Variants in KIF5A observed in about 807,000 individuals in gnomAD.
KIF5A encodes the protein kinesin family member 5A.
Under a neutral mutation model 141.3 loss-of-function variants are expected in KIF5A, and 35 were observed. The ratio of observed to expected loss-of-function variants is 0.25; its 90% CI spans 0.19 to 0.33. KIF5A has a LOEUF of 0.33. KIF5A is among the 10% of genes least tolerant of loss of function. The probability of loss-of-function intolerance (pLI) is 1.00; values close to 1 mark genes in which losing one functional copy is unlikely to be tolerated. For synonymous variants in KIF5A, 448 were observed against 500.2 expected, an observed-to-expected ratio of 0.90 and a Z score of 1.39; for missense variants, 861 against 1,314.3, an observed-to-expected ratio of 0.66 and a Z score of 5.33.
chr12:57,559,461 A>C (rs2600003), intron 1 of KIF5A, among the ~76,000 whole-genome samples: 8,762 of 152,230 alleles, frequency 0.058, 372 homozygotes, highest in African/African-American at 0.11. Flanking sequence ...AGTGAGGTCG[A>C]GCATTAATTA....
rs1882744702 is a variant in KIF5A, at chr12:57,585,890, G to A, written c.*1709G>A. The stretch of plus-strand genomic sequence containing the variant: ...ATAGAACCCCAATATAAAAAATAAA[G>A]TAATGCAGACCTGGGCAGTTTGCAT... On this transcript the variant is annotated 3_prime_UTR_variant, in exon 29 of 29. Transcript: ENST00000455537. The A allele has an allele frequency of 6.7e-6, 1 of 148,212 alleles. No individual in the cohort carries two copies. Among genetic ancestry groups the A allele is most frequent in the Non-Finnish European group, 1.5e-5 (1 of 67,314 alleles). The allele number at this position is 148,212 out of a possible 1,614,324, so 9.2% of individuals were successfully genotyped here.
chr12:57,567,000 C>T (rs1456388346), intron 6 of KIF5A, 126 bp from the exon 7 acceptor site: 1 of 369,514 alleles, frequency 2.7e-6, no homozygotes, highest in Non-Finnish European at 4.9e-6. Flanking sequence ...AGATTCTTGA[C>T]ACTGCACTCC....
intron 1 of KIF5A, among the ~76,000 whole-genome samples, chr12:57,559,687 T>C (rs1406883289): frequency 6.6e-6 from 1 of 152,174 alleles, no homozygotes; most frequent in Non-Finnish European, 1.5e-5. Flanking sequence ...ATCCTCTTCC[T>C]GTAAATACCA....
At position 57,550,576 on chromosome 12, in the gene KIF5A, C is replaced by A. The variant is rs1053819082; in HGVS notation, c.129+176C>A. Among the ~76,000 whole-genome samples, 7 of 152,172 alleles carry A rather than the reference C, an allele frequency of 4.6e-5. No homozygotes were observed. The highest frequency in any genetic ancestry group is 8.8e-5 in the Non-Finnish European group (6 of 68,026). ...ATCAGGATGGCTGGGTGTGGCCTGG[C>A]CAGGCCAGCGGCCGAGTCTCTGCAG... On this transcript the variant is annotated intron_variant, in intron 1 of 28. Transcript: ENST00000455537. This position sits in a 1 kb window ranked among gnomAD's most constrained non-coding sequence, Gnocchi z 4.6.
At chr12:57,583,777 A>T (rs1311932262) in intron 28 of KIF5A, among the ~76,000 whole-genome samples, 1 of 152,112 alleles carries the variant, frequency 6.6e-6, no homozygotes, top group Non-Finnish European at 1.5e-5. Flanking sequence ...TGCTCAGTGG[A>T]GGTGGCAAAG....
At position 57,576,567 on chromosome 12, in the gene KIF5A, G is replaced by T. The variant is rs115809275; in HGVS notation, c.2198+189G>T. ...TAGTCCCTATCCTTGAGGGTCCCAG[G>T]ATTAGAGAGGTCAGGGTTCCTGGCT... On this transcript the variant is annotated intron_variant, in intron 19 of 28. Transcript: ENST00000455537. Among the ~76,000 whole-genome samples, 779 of 152,310 alleles carry T rather than the reference G, an allele frequency of 5.1e-3. 4 individuals are homozygous for T. The highest frequency in any genetic ancestry group is 0.017 in the African/African-American group (720 of 41,560).
At chr12:57,583,310 T>A (rs1433222365) in intron 28 of KIF5A, 95 bp downstream of exon 28, 3 of 727,250 alleles carry the variant, frequency 4.1e-6, no homozygotes, top group Non-Finnish European at 7.1e-6. Flanking sequence ...TTTTTTTTTT[T>A]ATCACCTCAA....
chr12:57,565,041 G>A (rs1882020888), intron 6 of KIF5A, 68 bp downstream of exon 6: 1 of 1,427,408 alleles, frequency 7.0e-7, no homozygotes, highest in East Asian at 2.3e-5. Context: ...GAGGAGCATA[G>A]GTCAGTGACC....
chr12:57,570,216 C>T (rs984914774), intron 12 of KIF5A, 54 bp downstream of exon 12: 171 of 1,558,204 alleles, frequency 1.1e-4, no homozygotes, highest in Non-Finnish European at 1.4e-4. Flanking sequence ...GAGAGGTAGA[C>T]GATCAAAGAA....
chr12:57,576,369 A>G lies in KIF5A; in HGVS notation c.2189A>G (p.Glu730Gly), dbSNP rs751019108. 2 of 1,613,676 alleles carry G rather than the reference A, an allele frequency of 1.2e-6. No homozygotes were observed. Among genetic ancestry groups the G allele is most frequent in the Admixed American group, 3.3e-5 (2 of 60,016 alleles). The change falls in exon 19 of 29, where the codon GAG becomes GGG. Residue 730 changes from glutamate (E) to glycine (G), a missense_variant. Transcript: ENST00000455537. ...EINEKQKTID[E>G]LKDLNQKLQL... ...AACGAGAAGCAGAAGACCATTGATG[A>G]GCTCAAAGAGTAAGGGTTCCCAAGG...
In KIF5A at chr12:57,550,460, C is replaced by G; in HGVS notation, c.129+60C>G. On this transcript the variant is annotated intron_variant, in intron 1 of 28. Coordinates refer to ENST00000455537, the MANE Select transcript of KIF5A (RefSeq NM_004984.4). This position sits in a 1 kb window ranked among gnomAD's most constrained non-coding sequence, Gnocchi z 4.6. ...GCAGGTGGCTGAATCTCCCCGCCCC[C>G]CGCAGAGCCTTAGTCTCTGCTGGTC... is the stretch of plus-strand genomic sequence containing the variant. 3.2e-6 allele frequency: 5 copies of G among 1,582,552 alleles called. No homozygotes were observed. The highest frequency in any genetic ancestry group is 3.5e-6 in the Non-Finnish European group (4 of 1,153,580).
intron 1 of KIF5A, among the ~76,000 whole-genome samples, chr12:57,558,398 AG>A (rs1881809603): frequency 1.4e-5 from 2 of 147,666 alleles, no homozygotes; most frequent in South Asian, 4.3e-4. Context: ...AAATTAGGCC[AG>A]GTGCGGTGGC....
Position 57,575,252 on chromosome 12 carries a change from T to G in KIF5A, c.1885T>G (p.Cys629Gly). ...AGTGACCGGGCGGGAGCTCTCATCC[T>G]GCCAGCTCCTCATCTCTCAGGTGAG... ...MEVTGRELSS[C>G]QLLISQHEAK... is the part of the protein sequence containing the mutation. The change falls in exon 16 of 29, where the codon TGC becomes GGC. Residue 629 changes from cysteine to glycine, a missense_variant. Cys to Gly is a radical substitution (Grantham distance 159). Coordinates refer to ENST00000455537, the MANE Select transcript of KIF5A (RefSeq NM_004984.4). 1 of 1,613,548 alleles carries G rather than the reference T, an allele frequency of 6.2e-7. No individual in the cohort carries two copies. The highest frequency in any genetic ancestry group is 8.5e-7 in the Non-Finnish European group (1 of 1,179,796).
At position 57,586,018 on chromosome 12, in the gene KIF5A, C is replaced by A. The variant is rs1386083423; in HGVS notation, c.*1837C>A. 6.6e-6 allele frequency: 1 copy of A among 151,100 alleles called. No individual in the cohort carries two copies. Among genetic ancestry groups the A allele is most frequent in the Non-Finnish European group, 1.5e-5 (1 of 67,866 alleles). 9.4% of individuals were successfully genotyped at this position (151,100 alleles called of 1,614,324 possible). On this transcript the variant is annotated 3_prime_UTR_variant, in exon 29 of 29. Coordinates refer to ENST00000455537, the MANE Select transcript of KIF5A (RefSeq NM_004984.4). ...GAGCCCTTGAACAGTCCTAAGAGAC[C>A]CTGAGGATTCTGTGGAGTAGTTTGA...
chr12:57,575,062 C>G (rs1406971075), intron 15 of KIF5A, 22 bp from the exon 16 acceptor site: 1 of 1,612,536 alleles, frequency 6.2e-7, no homozygotes, highest in South Asian at 1.1e-5. Flanking sequence ...AGAAGCATCT[C>G]TTCCTCCTTT....
intron 1 of KIF5A, among the ~76,000 whole-genome samples, chr12:57,560,197 T>C (rs959650756): frequency 3.9e-5 from 6 of 152,320 alleles, no homozygotes; most frequent in South Asian, 2.1e-4. Flanking sequence ...TAGCCAGTTA[T>C]GGCATTATTT....
intron 1 of KIF5A, among the ~76,000 whole-genome samples, chr12:57,562,985 T>G (rs1000224275): frequency 6.6e-6 from 1 of 151,928 alleles, no homozygotes; most frequent in African/African-American, 2.4e-5. Flanking sequence ...GTTTCTCTTA[T>G]TCTCCCACAT....
At position 57,577,561 on chromosome 12, in the gene KIF5A, A is replaced by T. The variant is rs931371128; in HGVS notation, c.2301-152A>T. On this transcript the variant is annotated intron_variant, in intron 20 of 28. Transcript: ENST00000455537. ...CAGTGAGCCCTGATTGTGCCACTGTACTCTATCTAGCCTAGGTAACAGAAT... is the reference window on the plus strand; with the variant it reads ...CAGTGAGCCCTGATTGTGCCACTGTTCTCTATCTAGCCTAGGTAACAGAAT... 3 of 715,590 alleles carry T rather than the reference A, an allele frequency of 4.2e-6. No homozygotes were observed. The African/African-American group carries it at 5.2e-5, about 13-fold the overall frequency. The allele number at this position is 715,590 out of a possible 1,614,324, so 44.3% of individuals were successfully genotyped here.
At chr12:57,568,881 G>A in intron 8 of KIF5A, 82 bp from the exon 9 acceptor site, 1 of 882,812 alleles carries the variant, frequency 1.1e-6, no homozygotes, top group East Asian at 2.5e-5. Context: ...CTTCCTCCGT[G>A]GACTGAGCCC....
Sources: gnomAD v4.1 joint callset for allele counts (sites outside exome capture counted in the v4.1 genomes callset) on GRCh38, gnomAD v4.1.1 for gene constraint, Gnocchi (gnomAD v3.1) non-coding constraint, MANE v1.5 for transcripts, NCBI Gene and HGNC (gene_info 2026-07-23, HGNC 2026-07-21) for gene names.